PLXNA4: variants seen among roughly 807,000 people sequenced by gnomAD.
The protein encoded by PLXNA4 is plexin A4.
Under a neutral mutation model 191.8 loss-of-function variants are expected in PLXNA4, and 44 were observed. That is an observed-to-expected ratio of 0.23 (90% CI 0.18 to 0.29). The LOEUF is 0.29. Ranked by LOEUF, PLXNA4 falls within the 10% of genes least tolerant of loss-of-function variation. The pLI is 1.00. For synonymous variants in PLXNA4, 1,082 were observed against 1,009.5 expected (o/e 1.07, Z -1.36); for missense variants, 1,800 against 2,488.8 (o/e 0.72, Z 5.89).
chr7:132,460,968 G>A (rs1261983407), intron 3 of PLXNA4, among the ~76,000 whole-genome samples: 1 of 152,044 alleles, frequency 6.6e-6, no homozygotes, highest in Non-Finnish European at 1.5e-5. Flanking sequence ...TAAAAAAGAT[G>A]AGGATAATCA....
intron 3 of PLXNA4, among the ~76,000 whole-genome samples, chr7:132,387,977 G>A (rs998718284): frequency 2.6e-5 from 4 of 151,942 alleles, no homozygotes; most frequent in African/African-American, 7.3e-5. Flanking sequence ...TCCCTCCCGC[G>A]GCATGTCTCT....
Position 132,508,724 on chromosome 7 carries a change from A to C in PLXNA4, c.-31T>G. Reference sequence around the variant, plus strand: ...AGGCGGGTCCCAGTGGCACAGCAGCACTCAGGCACAGTCGTCCCCTCAGAG... The same window carrying C: ...AGGCGGGTCCCAGTGGCACAGCAGCCCTCAGGCACAGTCGTCCCCTCAGAG... On this transcript the variant is annotated 5_prime_UTR_variant, in exon 2 of 32. Transcript: ENST00000321063. The surrounding 1 kb of genome is among the most constrained non-coding windows in gnomAD (Gnocchi z 4.4). The C allele has an allele frequency of 6.8e-7, 1 of 1,474,164 alleles. No individual in the cohort carries two copies. Among genetic ancestry groups the C allele is most frequent in the South Asian group, 1.4e-5 (1 of 72,400 alleles). The allele number at this position is 1,474,164 out of a possible 1,614,324, so 91.3% of individuals were successfully genotyped here. A position where few individuals can be genotyped will look rare whatever the true frequency, so the allele number is the denominator to read the frequency against.
At chr7:132,462,668 C>T (rs1796553219) in intron 3 of PLXNA4, among the ~76,000 whole-genome samples, 1 of 151,932 alleles carries the variant, frequency 6.6e-6, no homozygotes, top group Admixed American at 6.6e-5. Flanking sequence ...CCTCTAATTC[C>T]TGGCCTCAGG....
chr7:132,638,366 C>T (rs1260244760), intron 2 of PLXNA4, among the ~76,000 whole-genome samples: 2 of 152,152 alleles, frequency 1.3e-5, no homozygotes, highest in Non-Finnish European at 2.9e-5. Context: ...CAAGAAAATG[C>T]CAGGGCCGGG....
chr7:132,561,341 C>T lies in PLXNA4; in HGVS notation c.-87+15081G>A, dbSNP rs140666414. ...TTCTCCTCCTCTTCCTCCTCTTCCT[C>T]CTCCTCCTCTTCCTCTCCCTCCTTC... On this transcript the variant is annotated intron_variant, in intron 1 of 31. Transcript: ENST00000321063. Among the ~76,000 whole-genome samples, 9 of 148,114 alleles carry T rather than the reference C, an allele frequency of 6.1e-5. No individual in the cohort carries two copies. The East Asian group carries it at 1.0e-3, about 17-fold the overall frequency.
At chr7:132,408,392 A>G (rs1794309449) in intron 3 of PLXNA4, among the ~76,000 whole-genome samples, 1 of 152,136 alleles carries the variant, frequency 6.6e-6, no homozygotes, top group Non-Finnish European at 1.5e-5. Context: ...AGATTTCTAA[A>G]TGTTTTAAAT....
At chr7:132,165,460 A>G (rs993162480) in intron 22 of PLXNA4, among the ~76,000 whole-genome samples, 2 of 152,182 alleles carry the variant, frequency 1.3e-5, no homozygotes, top group African/African-American at 4.8e-5. Flanking sequence ...TTTGGCTGGA[A>G]CGCCTTAGAG....
At chr7:132,357,933 G>A (rs551406656) in intron 3 of PLXNA4, among the ~76,000 whole-genome samples, 38 of 152,326 alleles carry the variant, frequency 2.5e-4, no homozygotes, top group South Asian at 8.3e-4. Context: ...CAAAGTCAGC[G>A]AAAGGAATTA....
intron 1 of PLXNA4, among the ~76,000 whole-genome samples, chr7:132,537,001 G>A (rs1799866446): frequency 6.6e-6 from 1 of 152,212 alleles, no homozygotes; most frequent in South Asian, 2.1e-4. Context: ...TTTAAAAGAT[G>A]GCAAGGAAGC....
intron 2 of PLXNA4, among the ~76,000 whole-genome samples, chr7:132,583,022 A>T (rs1239900795): frequency 6.6e-6 from 1 of 152,236 alleles, no homozygotes; most frequent in Non-Finnish European, 1.5e-5. Context: ...CCCAATGAAG[A>T]GGCTTGAAAG....
At chr7:132,563,377 T>G (rs1472083641) in intron 1 of PLXNA4, among the ~76,000 whole-genome samples, 2 of 23,466 alleles carry the variant, frequency 8.5e-5, no homozygotes, top group African/African-American at 1.8e-4. Flanking sequence ...TCCTCCTCCT[T>G]CTCCTCCTCC....
intron 21 of PLXNA4, among the ~76,000 whole-genome samples, chr7:132,174,080 T>C (rs1796375032): frequency 6.6e-6 from 1 of 152,246 alleles, no homozygotes; most frequent in South Asian, 2.1e-4. Context: ...ATGTTAGTAA[T>C]AGTCAACTCA....
chr7:132,534,062 CT>C (rs1286820930), intron 1 of PLXNA4, among the ~76,000 whole-genome samples: 1 of 152,032 alleles, frequency 6.6e-6, no homozygotes, highest in Non-Finnish European at 1.5e-5. Flanking sequence ...TTTATGAGAA[CT>C]CCCAAGGCCA....
intron 3 of PLXNA4, among the ~76,000 whole-genome samples, chr7:132,407,241 C>T (rs1201358077): frequency 6.6e-6 from 1 of 152,184 alleles, no homozygotes; most frequent in Admixed American, 6.5e-5. Context: ...CTGGGACACC[C>T]CACCCCTGGG....
intron 18 of PLXNA4, among the ~76,000 whole-genome samples, chr7:132,181,146 C>T (rs1256793158): frequency 6.6e-6 from 1 of 152,232 alleles, no homozygotes; most frequent in Non-Finnish European, 1.5e-5. Context: ...ACAATAAAAG[C>T]TTGAGAGTCA....
At chr7:132,317,264 T>G (rs937740825) in intron 3 of PLXNA4, among the ~76,000 whole-genome samples, 2 of 151,634 alleles carry the variant, frequency 1.3e-5, no homozygotes, top group Non-Finnish European at 2.9e-5. Context: ...TGGGTTGGGT[T>G]GGGTTGGATT....
chr7:132,478,535 G>A (rs948344589), intron 3 of PLXNA4, among the ~76,000 whole-genome samples: 3 of 152,146 alleles, frequency 2.0e-5, no homozygotes, highest in Admixed American at 1.3e-4. Flanking sequence ...AAAGACCAAT[G>A]TAAAGAATGT....
intron 1 of PLXNA4, among the ~76,000 whole-genome samples, chr7:132,520,904 T>C (rs1799149135): frequency 6.6e-6 from 1 of 150,830 alleles, no homozygotes; most frequent in African/African-American, 2.5e-5. Flanking sequence ...CTCAGCCAAA[T>C]GGCAGGGCTT....
At chr7:132,500,477 G>T (rs1488971779) in intron 2 of PLXNA4, among the ~76,000 whole-genome samples, 2 of 151,672 alleles carry the variant, frequency 1.3e-5, no homozygotes, top group Non-Finnish European at 2.9e-5. Flanking sequence ...AAGAAGGAGG[G>T]GGAGGGGAAG....
Sources: allele counts gnomAD v4.1 joint callset (sites outside exome capture counted in the v4.1 genomes callset), GRCh38; gene constraint gnomAD v4.1.1; non-coding constraint Gnocchi (gnomAD v3.1); transcripts MANE v1.5; gene names NCBI Gene and HGNC (gene_info 2026-07-23, HGNC 2026-07-21).